The following SV2B variants were observed in gnomAD, a reference collection of about 807,000 sequenced individuals.
The protein encoded by SV2B is synaptic vesicle glycoprotein 2B.
Under a neutral mutation model 73.9 loss-of-function variants are expected in SV2B, and 41 were observed. The ratio of observed to expected loss-of-function variants is 0.56; its 90% CI spans 0.43 to 0.72. The LOEUF is 0.72. Ranked by LOEUF, SV2B falls within the 30% of genes least tolerant of loss-of-function variation. The pLI, the probability that SV2B is intolerant of heterozygous loss-of-function variation, is 0.00. For missense variants in SV2B, 764 were observed against 857.8 expected (o/e 0.89, Z 1.37); for synonymous variants, 314 against 314.2 (o/e 1.00, Z 0.01).
chr15:91,252,488 C>T lies in SV2B; in HGVS notation c.752C>T (p.Ser251Phe). 1 of 1,612,764 alleles carries T rather than the reference C, an allele frequency of 6.2e-7. No individual in the cohort carries two copies. The highest frequency in any genetic ancestry group is 8.5e-7 in the Non-Finnish European group (1 of 1,179,262). The part of the protein sequence containing the change: ...IFWMTGGLYA[S>F]AMAWSIIPHY... ...TGGATGACTGGGGGCCTGTACGCAT[C>T]TGCCATGGCCTGGAGCATCATCCCA... Residue 251 changes from serine (S) to phenylalanine (F), a missense_variant, in exon 4 of 13, where the codon TCT (serine) becomes TTT (phenylalanine). Physicochemically the swap from Ser to Phe is radical, Grantham distance 155. Coordinates refer to ENST00000394232, the MANE Select transcript of SV2B (RefSeq NM_001323032.3). The surrounding 1 kb of genome is among the most constrained non-coding windows in gnomAD (Gnocchi z 4.6).
intron 1 of SV2B, among the ~76,000 whole-genome samples, chr15:91,187,181 G>C (rs2044804976): frequency 6.6e-6 from 1 of 152,196 alleles, no homozygotes; most frequent in South Asian, 2.1e-4. Context: ...ATTACATTTT[G>C]TGACATATTG....
At chr15:91,221,054 C>A (rs1442026215) in intron 1 of SV2B, among the ~76,000 whole-genome samples, 1 of 151,820 alleles carries the variant, frequency 6.6e-6, no homozygotes, top group Non-Finnish European at 1.5e-5. Context: ...TTTGTAGAGA[C>A]AGGATTTCAC....
At chr15:91,247,516 A>G (rs2047283741) in intron 2 of SV2B, among the ~76,000 whole-genome samples, 1 of 152,324 alleles carries the variant, frequency 6.6e-6, no homozygotes, top group South Asian at 2.1e-4. Flanking sequence ...CTTGGAGAAT[A>G]AAGGAAAGAG....
At position 91,294,495 on chromosome 15, in the gene SV2B, A is replaced by G. The variant is rs534638207; in HGVS notation, c.*1943A>G. Reference sequence around the variant, plus strand: ...GTATTAATCTTTCTCTCAGTGTTTTATAGGAGTACTAACATTTATTGCTCT... The same window carrying G: ...GTATTAATCTTTCTCTCAGTGTTTTGTAGGAGTACTAACATTTATTGCTCT... On this transcript the variant is annotated 3_prime_UTR_variant, in exon 13 of 13. Coordinates refer to ENST00000394232, the MANE Select transcript of SV2B (RefSeq NM_001323032.3). This position sits in a 1 kb window ranked among gnomAD's most constrained non-coding sequence, Gnocchi z 4.1. The G allele has an allele frequency of 6.5e-4, 90 of 137,732 alleles. No homozygotes were observed. Among genetic ancestry groups the G allele is most frequent in the African/African-American group, 3.0e-3 (90 of 29,752 alleles). The allele number at this position is 137,732 out of a possible 1,614,324, so 8.5% of individuals were successfully genotyped here. A position where few individuals can be genotyped will look rare whatever the true frequency, so the allele number is the denominator to read the frequency against.
At chr15:91,172,975 AAATC>A (rs992049733) in intron 1 of SV2B, among the ~76,000 whole-genome samples, 4 of 152,080 alleles carry the variant, frequency 2.6e-5, no homozygotes, top group African/African-American at 7.2e-5. Flanking sequence ...ACACGTGGAT[AAATC>A]AATAGCAAGA....
At chr15:91,204,401 A>G (rs145020724) in intron 1 of SV2B, among the ~76,000 whole-genome samples, 128 of 152,232 alleles carry the variant, frequency 8.4e-4, no homozygotes, top group Non-Finnish European at 1.6e-3. Context: ...ACTAGATAGC[A>G]CATGAAGATG....
chr15:91,106,029 A>G lies in SV2B; in HGVS notation c.-392+5666A>G, dbSNP rs771248409. ...AATGCCATTGTACTCCAGCCTGGAC[A>G]ATGGATTGAGATCATGTCAAAAATA... On this transcript the variant is annotated intron_variant, in intron 1 of 12. Coordinates refer to ENST00000394232, the MANE Select transcript of SV2B (RefSeq NM_001323032.3). This position sits in a 1 kb window ranked among gnomAD's most constrained non-coding sequence, Gnocchi z 4.4. Among the ~76,000 whole-genome samples, 7 of 152,206 alleles carry G rather than the reference A, an allele frequency of 4.6e-5. No individual in the cohort carries two copies. The highest frequency in any genetic ancestry group is 8.8e-5 in the Non-Finnish European group (6 of 68,050).
chr15:91,177,984 A>C (rs1219743382), intron 1 of SV2B, among the ~76,000 whole-genome samples: 11 of 149,976 alleles, frequency 7.3e-5, no homozygotes, highest in Admixed American at 7.3e-4. Flanking sequence ...TTTCAAAGGG[A>C]ATGCTTCCAG....
chr15:91,218,574 T>C (rs1205243421), intron 1 of SV2B, among the ~76,000 whole-genome samples: 1 of 152,194 alleles, frequency 6.6e-6, no homozygotes, highest in Non-Finnish European at 1.5e-5. Context: ...CTCTTCTCTT[T>C]CTTTATATAA....
At chr15:91,173,294 G>A (rs2044188788) in intron 1 of SV2B, among the ~76,000 whole-genome samples, 1 of 152,162 alleles carries the variant, frequency 6.6e-6, no homozygotes, top group Admixed American at 6.5e-5. Context: ...TGCAGGAGAA[G>A]GAGTTGTGGG....
rs371442491 is a variant in SV2B, at chr15:91,198,888, C to T, written c.-391-26985C>T. ...AGCAACTCTGGGCTTCTAGGAGATG[C>T]CTCTTTAGGACTGGCAGAATCTCCT... is the stretch of plus-strand genomic sequence containing the variant. On this transcript the variant is annotated intron_variant, in intron 1 of 12. Coordinates refer to ENST00000394232, the MANE Select transcript of SV2B (RefSeq NM_001323032.3). Among the ~76,000 whole-genome samples the T allele has an allele frequency of 1.6e-4, 24 of 152,300 alleles. 1 individual carries two copies. The South Asian group carries it at 5.0e-3, about 32-fold the overall frequency.
At position 91,113,021 on chromosome 15, in the gene SV2B, G is replaced by A. The variant is rs569540953; in HGVS notation, c.-392+12658G>A. ...TTAATTTTTTTCTTTTTTGAGAGAT[G>A]GGGTCTCCCTATTTTGCCCAGACTA... On this transcript the variant is annotated intron_variant, in intron 1 of 12. Transcript: ENST00000394232. Among the ~76,000 whole-genome samples, 5 of 152,146 alleles carry A rather than the reference G, an allele frequency of 3.3e-5. No individual in the cohort carries two copies. In the South Asian group the frequency reaches 1.0e-3, roughly 32 times the overall value.
rs1313567744 is a variant in SV2B, at chr15:91,252,671, C to T, written c.784+151C>T. On this transcript the variant is annotated intron_variant, in intron 4 of 12. Transcript: ENST00000394232. This position sits in a 1 kb window ranked among gnomAD's most constrained non-coding sequence, Gnocchi z 4.6. ...TCTTAACAACTTCTAACATTGCAGACACATTGTTAATTTCAATTCAATGTC... is the reference window on the plus strand; with the variant it reads ...TCTTAACAACTTCTAACATTGCAGATACATTGTTAATTTCAATTCAATGTC... 2 of 824,638 alleles carry T rather than the reference C, an allele frequency of 2.4e-6. No individual in the cohort carries two copies. Among genetic ancestry groups the T allele is most frequent in the East Asian group, 3.3e-5 (1 of 30,012 alleles). The allele number at this position is 824,638 out of a possible 1,614,324, so 51.1% of individuals were successfully genotyped here.
chr15:91,250,581 C>CA (rs990041633), intron 2 of SV2B, among the ~76,000 whole-genome samples: 3 of 152,058 alleles, frequency 2.0e-5, no homozygotes, highest in African/African-American at 7.2e-5. Context: ...AAGACTCCAC[C>CA]AAAAAATTGT....
intron 1 of SV2B, among the ~76,000 whole-genome samples, chr15:91,182,371 C>T (rs2044612799): frequency 6.6e-6 from 1 of 152,144 alleles, no homozygotes; most frequent in Non-Finnish European, 1.5e-5. Flanking sequence ...TCTCGATTAG[C>T]ATTTGTTGAA....
At chr15:91,233,559 G>A (rs1001143677) in intron 2 of SV2B, among the ~76,000 whole-genome samples, 12 of 152,294 alleles carry the variant, frequency 7.9e-5, no homozygotes, top group African/African-American at 2.9e-4. Context: ...TTCTGTTAAA[G>A]TGAGAACATT....
At chr15:91,177,301 A>C (rs998658192) in intron 1 of SV2B, among the ~76,000 whole-genome samples, 3 of 151,772 alleles carry the variant, frequency 2.0e-5, no homozygotes, top group Non-Finnish European at 2.9e-5. Flanking sequence ...GTAGCCTTGT[A>C]GTATAGTTTG....
chr15:91,148,707 C>T (rs1027726033), intron 1 of SV2B, among the ~76,000 whole-genome samples: 1 of 152,082 alleles, frequency 6.6e-6, no homozygotes, highest in African/African-American at 2.4e-5. Context: ...GCTGAGAAAT[C>T]CAAGATCTGC....
In SV2B at chr15:91,226,341, C is replaced by T. The variant is rs1433479281; in HGVS notation, c.78C>T (p.Asn26=). The change falls in exon 2 of 13, where the codon AAC becomes AAT. Residue 26 remains asparagine, a synonymous_variant. Coordinates refer to ENST00000394232, the MANE Select transcript of SV2B (RefSeq NM_001323032.3). ...SDGYYRGNES[N]PEEDAQSDVT... ...GCTATTACCGCGGCAATGAGTCCAA[C>T]CCAGAAGAAGATGCACAGAGTGATG... 1 of 1,614,120 alleles carries T rather than the reference C, an allele frequency of 6.2e-7. No homozygotes were observed. Among genetic ancestry groups the T allele is most frequent in the Admixed American group, 1.7e-5 (1 of 60,012 alleles).
Sources: gnomAD v4.1 joint callset for allele counts (sites outside exome capture counted in the v4.1 genomes callset) on GRCh38, gnomAD v4.1.1 for gene constraint, Gnocchi (gnomAD v3.1) non-coding constraint, MANE v1.5 for transcripts, NCBI Gene and HGNC (gene_info 2026-07-23, HGNC 2026-07-21) for gene names.